Variants in NDUFAF6 observed in about 807,000 individuals in gnomAD.
NDUFAF6 encodes the protein NADH:ubiquinone oxidoreductase complex assembly factor 6, also known as NADH dehydrogenase (ubiquinone) complex I, assembly factor 6.
A neutral mutation model predicts 40.8 loss-of-function variants in NDUFAF6; 45 were observed. That is an observed-to-expected ratio of 1.10 (90% CI 0.87 to 1.42). NDUFAF6 has a LOEUF of 1.42. Ranked by LOEUF, NDUFAF6 falls within the 40% of genes most tolerant of loss-of-function variation. NDUFAF6 has a pLI of 0.00. For synonymous variants in NDUFAF6, 185 were observed against 155.9 expected (o/e 1.19, Z -1.39); for missense variants, 435 against 418.5 (o/e 1.04, Z -0.34).
intron 1 of NDUFAF6, among the ~76,000 whole-genome samples, chr8:94,911,793 T>C (rs1818797598): frequency 6.6e-6 from 1 of 152,224 alleles, no homozygotes; most frequent in Admixed American, 6.5e-5. Context: ...ATGAGGTTTT[T>C]CCAGCTTTGG....
In NDUFAF6 at chr8:94,906,335, A is replaced by G. The variant is rs990014370; in HGVS notation, c.-936+10408A>G. Among the ~76,000 whole-genome samples the G allele has an allele frequency of 6.6e-5, 10 of 152,046 alleles. 1 individual carries two copies. The highest frequency in any genetic ancestry group is 2.4e-4 in the African/African-American group (10 of 41,458). On this transcript the variant is annotated intron_variant, in intron 1 of 14. Coordinates refer to the NDUFAF6 transcript ENST00000396113. ...TCCCTGTGTCCCTGCTGTTCCCATA[A>G]CTGCACTGTCACTTCAGGGCTTCCA...
At chr8:94,932,129 C>G (rs1370178328) in intron 1 of NDUFAF6, 9 of 1,604,536 alleles carry the variant, frequency 5.6e-6, no homozygotes, top group Non-Finnish European at 7.7e-6. Flanking sequence ...AAATGGTGAA[C>G]TATTAAATCA....
At chr8:95,083,532 C>T (rs1163955444) in intron 2 of NDUFAF6, among the ~76,000 whole-genome samples, 1 of 152,104 alleles carries the variant, frequency 6.6e-6, no homozygotes, top group African/African-American at 2.4e-5. Context: ...GCTATGGTTC[C>T]CTTTATTAAA....
chr8:94,938,780 G>C (rs192432164), intron 1 of NDUFAF6, among the ~76,000 whole-genome samples: 1 of 152,278 alleles, frequency 6.6e-6, no homozygotes, highest in Non-Finnish European at 1.5e-5. Context: ...TAATAAACTG[G>C]TAAACATGTT....
chr8:95,090,234 T>C (rs1374442551), intron 2 of NDUFAF6, among the ~76,000 whole-genome samples: 1 of 152,230 alleles, frequency 6.6e-6, no homozygotes, highest in African/African-American at 2.4e-5. Context: ...GTGGGTTCTC[T>C]GTATCAAATC....
At chr8:94,937,812 CCAA>C (rs1821139629) in intron 1 of NDUFAF6, among the ~76,000 whole-genome samples, 1 of 152,014 alleles carries the variant, frequency 6.6e-6, no homozygotes, top group Non-Finnish European at 1.5e-5. Context: ...AAAACTGGAG[CCAA>C]CAACGAATGC....
At chr8:95,080,512 TG>T (rs1808804075), downstream of NDUFAF6, among the ~76,000 whole-genome samples, 1 of 151,930 alleles carries the variant, frequency 6.6e-6, no homozygotes, top group Admixed American at 6.6e-5. Context: ...TTTTTGGTAG[TG>T]TATTTTTGTA....
chr8:95,031,573 T>C (rs1587025027), intron 1 of NDUFAF6, among the ~76,000 whole-genome samples: 1 of 152,210 alleles, frequency 6.6e-6, no homozygotes, highest in South Asian at 2.1e-4. Flanking sequence ...ATAAGACATG[T>C]CAGGCCTTTT....
At chr8:94,914,309 C>A (rs539834327) in intron 1 of NDUFAF6, among the ~76,000 whole-genome samples, 4 of 152,060 alleles carry the variant, frequency 2.6e-5, no homozygotes, top group Non-Finnish European at 5.9e-5. Flanking sequence ...CGCTGTAAGC[C>A]AGCATCCATG....
At chr8:94,912,287 A>G (rs1032183969) in intron 1 of NDUFAF6, among the ~76,000 whole-genome samples, 2 of 152,224 alleles carry the variant, frequency 1.3e-5, no homozygotes, top group Non-Finnish European at 2.9e-5. Context: ...CTTTTGAGTA[A>G]AATAAGGTCC....
At chr8:94,925,852 A>G (rs1201141347) in intron 1 of NDUFAF6, 2 of 152,028 alleles carry the variant, frequency 1.3e-5, no homozygotes, top group African/African-American at 2.4e-5. Context: ...AATATATACA[A>G]GCTTTTAAAA....
intron 1 of NDUFAF6, among the ~76,000 whole-genome samples, chr8:94,931,839 AT>A (rs1183825253): frequency 1.3e-5 from 2 of 151,974 alleles, no homozygotes; most frequent in African/African-American, 4.8e-5. Flanking sequence ...AGGTGTGGTG[AT>A]GCAAGCCTGT....
intron 1 of NDUFAF6, among the ~76,000 whole-genome samples, chr8:94,922,572 G>A (rs1168244520): frequency 6.6e-6 from 1 of 151,542 alleles, no homozygotes; most frequent in Middle Eastern, 3.2e-3. Flanking sequence ...TCCGCCTCCC[G>A]GGTTCAAGCA....
intron 2 of NDUFAF6, among the ~76,000 whole-genome samples, chr8:94,993,095 T>G (rs1205652553): frequency 6.6e-6 from 1 of 152,218 alleles, no homozygotes; most frequent in East Asian, 1.9e-4. Flanking sequence ...GCTGATTACT[T>G]CTGAAGCCTC....
At chr8:95,011,085 T>C (rs1827208882) in intron 2 of NDUFAF6, among the ~76,000 whole-genome samples, 2 of 152,326 alleles carry the variant, frequency 1.3e-5, no homozygotes, top group South Asian at 4.1e-4. Flanking sequence ...AAGCTGATGC[T>C]AGTCCTTAGG....
At chr8:94,915,863 TA>T (rs1222447505) in intron 1 of NDUFAF6, among the ~76,000 whole-genome samples, 1 of 152,244 alleles carries the variant, frequency 6.6e-6, no homozygotes, top group Non-Finnish European at 1.5e-5. Flanking sequence ...GACTACAGAA[TA>T]AGTGATACTT....
At chr8:94,897,510 ATATTTCC>A (rs1175226207) in intron 1 of NDUFAF6, among the ~76,000 whole-genome samples, 1 of 152,180 alleles carries the variant, frequency 6.6e-6, no homozygotes, top group Non-Finnish European at 1.5e-5. Context: ...CACCTAAAGT[ATATTTCC>A]CCTATTGTAC....
intron 2 of NDUFAF6, among the ~76,000 whole-genome samples, chr8:95,006,133 A>C (rs926639378): frequency 2.6e-5 from 4 of 151,982 alleles, no homozygotes; most frequent in African/African-American, 9.7e-5. Context: ...CGAGGTGGGC[A>C]GATCACTTGA....
intron 1 of NDUFAF6, among the ~76,000 whole-genome samples, chr8:94,976,756 T>C (rs528018071): frequency 4.9e-4 from 75 of 152,212 alleles, no homozygotes; most frequent in African/African-American, 1.8e-3. Context: ...GTTTATGTTG[T>C]TTAATGGGTA....
Sources: allele counts gnomAD v4.1 joint callset (sites outside exome capture counted in the v4.1 genomes callset), GRCh38; gene constraint gnomAD v4.1.1; transcripts MANE v1.5; gene names NCBI Gene and HGNC (gene_info 2026-07-23, HGNC 2026-07-21).